The following PCM1 variants were observed in gnomAD, a reference collection of about 807,000 sequenced individuals.
PCM1 encodes the protein pericentriolar material 1 protein.
In PCM1, 157 loss-of-function variants were observed where a neutral mutation model predicts 241.9. That is an observed-to-expected ratio of 0.65 (90% CI 0.57 to 0.74). The LOEUF (loss-of-function observed/expected upper bound fraction) is 0.74, where lower values mean the gene tolerates loss of function less well. Ranked by LOEUF, PCM1 falls within the 30% of genes least tolerant of loss-of-function variation. The probability of loss-of-function intolerance (pLI) is 0.00; values close to 1 mark genes in which losing one functional copy is unlikely to be tolerated. For synonymous variants in PCM1, 1,085 were observed against 784.9 expected (o/e 1.38, Z -6.39); for missense variants, 3,478 against 2,360.1 (o/e 1.47, Z -9.81).
intron 15 of PCM1, among the ~76,000 whole-genome samples, chr8:17,961,391 A>G (rs888953586): frequency 5.0e-5 from 7 of 140,522 alleles, no homozygotes; most frequent in Non-Finnish European, 1.0e-4. Flanking sequence ...GCTCACTGCA[A>G]GCTCCACCTC....
rs540628913 is a variant in PCM1, at chr8:17,978,779, A to G, written c.3944-1812A>G. 3.9e-5 allele frequency among the ~76,000 whole-genome samples: 6 copies of G among 152,340 alleles called. No individual in the cohort carries two copies. The South Asian group carries it at 1.2e-3, about 32-fold the overall frequency. ...AGAAAACAGTAGATCAGTCTCACTA[A>G]TATAAATTCAAAAGTAAAAATAAAA... On this transcript the variant is annotated intron_variant, in intron 23 of 38. Coordinates refer to ENST00000325083, the MANE Select transcript of PCM1 (RefSeq NM_006197.4).
chr8:17,924,696 T>C lies in PCM1; in HGVS notation c.-90-17T>C, dbSNP rs1346363993. ...AAGTAATTTACTTAAGTGATACATA[T>C]TTTTAATCCTAATTAGGAAACAGCT... On this transcript the variant is annotated splice_polypyrimidine_tract_variant and intron_variant, in intron 1 of 38. Coordinates refer to ENST00000325083, the MANE Select transcript of PCM1 (RefSeq NM_006197.4). The C allele has an allele frequency of 6.6e-6, 1 of 152,216 alleles. No homozygotes were observed. Among genetic ancestry groups the C allele is most frequent in the Non-Finnish European group, 1.5e-5 (1 of 68,024 alleles). The allele number at this position is 152,216 out of a possible 1,614,324, so 9.4% of individuals were successfully genotyped here. A position where few individuals can be genotyped will look rare whatever the true frequency, so the allele number is the denominator to read the frequency against.
rs185380211 is a variant in PCM1, at chr8:17,957,475, G to C, written c.1804+54G>C. 2.5e-6 allele frequency: 4 copies of C among 1,606,596 alleles called. No individual in the cohort carries two copies. In the East Asian group the frequency reaches 8.9e-5, roughly 36 times the overall value. On this transcript the variant is annotated intron_variant, in intron 12 of 38. Coordinates refer to ENST00000325083, the MANE Select transcript of PCM1 (RefSeq NM_006197.4). ...TTGCTGTGTTATTCTTACAAAGTGG[G>C]TTTTCGTTCATGTGTGCTCTTTCCT...
At chr8:18,001,832 A>G (rs1320103812) in intron 29 of PCM1, among the ~76,000 whole-genome samples, 1 of 152,038 alleles carries the variant, frequency 6.6e-6, no homozygotes, top group Non-Finnish European at 1.5e-5. Flanking sequence ...AAGCACCTGT[A>G]GAAACTGCTT....
At chr8:17,959,876 C>T (rs2070831034) in intron 13 of PCM1, 138 bp from the exon 14 acceptor site, 7 of 690,084 alleles carry the variant, frequency 1.0e-5, no homozygotes, top group Non-Finnish European at 1.4e-5. Context: ...AACACGTGTA[C>T]ACATGTATAC....
chr8:18,011,944 G>A, intron 34 of PCM1, 117 bp downstream of exon 34: 3 of 893,510 alleles, frequency 3.4e-6, no homozygotes, highest in South Asian at 3.4e-5. Flanking sequence ...TTTCATGAAT[G>A]CAAGCCTCAT....
intron 38 of PCM1, among the ~76,000 whole-genome samples, chr8:18,026,363 T>G (rs2094210498): frequency 6.8e-6 from 1 of 147,810 alleles, no homozygotes; most frequent in Non-Finnish European, 1.5e-5. Flanking sequence ...GTTCGCGCCA[T>G]TCTTCTGCCT....
At chr8:17,960,527 G>GT in intron 15 of PCM1, 83 bp downstream of exon 15, 2 of 412,976 alleles carry the variant, frequency 4.8e-6, no homozygotes, top group South Asian at 2.7e-5. Context: ...TTTTGTTTTT[G>GT]TTTTTCTTTT....
Position 17,964,555 on chromosome 8 carries a change from T to C in PCM1, c.2655-13T>C. ...TCCAGAATGACATCTGTTTTATGTC[T>C]CTTAATCACTAGAACGATGGCAACT... is the stretch of plus-strand genomic sequence containing the variant. On this transcript the variant is annotated splice_polypyrimidine_tract_variant and intron_variant, in intron 17 of 38. Transcript: ENST00000325083. The C allele has an allele frequency of 1.9e-6, 3 of 1,607,352 alleles. No homozygotes were observed. Among genetic ancestry groups the C allele is most frequent in the Non-Finnish European group, 8.5e-7 (1 of 1,175,092 alleles).
intron 28 of PCM1, among the ~76,000 whole-genome samples, chr8:17,992,420 G>C (rs183409775): frequency 2.0e-5 from 3 of 151,962 alleles, no homozygotes; most frequent in African/African-American, 7.2e-5. Flanking sequence ...ATTATTTTTT[G>C]ATTTTTAAAT....
intron 30 of PCM1, among the ~76,000 whole-genome samples, chr8:18,008,146 C>T (rs761509568): frequency 2.0e-5 from 3 of 152,010 alleles, no homozygotes; most frequent in Admixed American, 1.3e-4. Context: ...GAGCAGCAGG[C>T]GAGTGAGCAA....
Position 17,985,453 on chromosome 8 carries a change from G to A in PCM1, c.4115G>A (p.Gly1372Glu). Residue 1372 changes from glycine (G) to glutamate (E), a missense_variant, in exon 25 of 39, where the codon GGG becomes GAG. Gly to Glu is a moderately conservative substitution (Grantham distance 98, BLOSUM62 -2). Coordinates refer to ENST00000325083, the MANE Select transcript of PCM1 (RefSeq NM_006197.4). Reference sequence around the variant, plus strand: ...GGTCTTTTATGTATTCCAGAAACTGGGAGTGATTTTTCCATGTTTGAAGCT... The same window carrying A: ...GGTCTTTTATGTATTCCAGAAACTGAGAGTGATTTTTCCATGTTTGAAGCT... ...NRSTEISSET[G>E]SDFSMFEALR... is the part of the protein sequence containing the mutation. 6.4e-7 allele frequency: 1 copy of A among 1,551,168 alleles called. No homozygotes were observed. The highest frequency in any genetic ancestry group is 8.7e-7 in the Non-Finnish European group (1 of 1,146,152).
At position 17,967,116 on chromosome 8, in the gene PCM1, C is replaced by T. The variant is rs1460662523; in HGVS notation, c.3358C>T (p.Pro1120Ser). The change falls in exon 21 of 39, where the codon CCT becomes TCT. Residue 1120 changes from proline to serine, a missense_variant. Physicochemically the swap from Pro to Ser is moderately conservative, Grantham distance 74 (BLOSUM62 -1). Coordinates refer to ENST00000325083, the MANE Select transcript of PCM1 (RefSeq NM_006197.4). The stretch of plus-strand genomic sequence containing the variant: ...TTGTCCTTTCAGCTTTCCAACACAG[C>T]CTGTAAATCTCTTCAATATACCTGG... Reference protein sequence around the residue: ...LFCPFSFPTQPVNLFNIPGFT... With the variant: ...LFCPFSFPTQSVNLFNIPGFT... The T allele has an allele frequency of 6.2e-7, 1 of 1,606,670 alleles. No homozygotes were observed. The highest frequency in any genetic ancestry group is 8.5e-7 in the Non-Finnish European group (1 of 1,176,192).
chr8:17,946,204 C>G (rs951252702), intron 6 of PCM1, among the ~76,000 whole-genome samples: 2 of 152,036 alleles, frequency 1.3e-5, no homozygotes, highest in African/African-American at 4.8e-5. Context: ...ATGATAACCT[C>G]CTAGCATTTT....
At chr8:17,986,243 G>A (rs17126056) in intron 26 of PCM1, 156 bp downstream of exon 26, 22,742 of 481,834 alleles carry the variant, frequency 0.047, 1,583 homozygotes, top group African/African-American at 0.23. Flanking sequence ...TTTTGAGGGC[G>A]AGATATAATA....
At chr8:18,022,304 A>G (rs2093818333) in intron 36 of PCM1, among the ~76,000 whole-genome samples, 1 of 152,326 alleles carries the variant, frequency 6.6e-6, no homozygotes, top group Admixed American at 6.5e-5. Context: ...TTAAGTTTTG[A>G]TTTGGTTTTG....
chr8:18,018,945 A>G (rs1277482277), intron 36 of PCM1, among the ~76,000 whole-genome samples: 1 of 79,126 alleles, frequency 1.3e-5, no homozygotes, highest in African/African-American at 5.1e-5. Flanking sequence ...ACAAAGTTGG[A>G]GATTTGTTCA....
intron 36 of PCM1, among the ~76,000 whole-genome samples, chr8:18,023,769 G>A (rs2093948172): frequency 1.3e-5 from 2 of 152,200 alleles, no homozygotes; most frequent in Admixed American, 6.5e-5. Context: ...CCCACAAGGG[G>A]TTCAAATGCT....
intron 6 of PCM1, among the ~76,000 whole-genome samples, chr8:17,943,267 G>A (rs1490718138): frequency 4.0e-5 from 6 of 149,404 alleles, no homozygotes; most frequent in African/African-American, 1.5e-4. Context: ...ATTTTTTCTG[G>A]TTCCTACAAG....
Sources: allele counts gnomAD v4.1 joint callset (sites outside exome capture counted in the v4.1 genomes callset), GRCh38; gene constraint gnomAD v4.1.1; transcripts MANE v1.5; gene names NCBI Gene and HGNC (gene_info 2026-07-23, HGNC 2026-07-21).